FANCL: variants seen among roughly 807,000 people sequenced by gnomAD.
The protein encoded by FANCL is E3 ubiquitin-protein ligase FANCL.
A neutral mutation model predicts 59.4 loss-of-function variants in FANCL; 69 were observed. The ratio of observed to expected loss-of-function variants is 1.16; its 90% confidence interval spans 0.96 to 1.42. FANCL has a LOEUF of 1.42. Ranked by LOEUF, FANCL falls within the 40% of genes most tolerant of loss-of-function variation. FANCL has a pLI of 0.00. For synonymous variants in FANCL, 180 were observed against 147.1 expected, an observed-to-expected ratio of 1.22 and a Z score of -1.62; for missense variants, 519 against 447.2, an observed-to-expected ratio of 1.16 and a Z score of -1.45.
At chr2:58,162,679 C>T (rs1685382343) in intron 11 of FANCL, among the ~76,000 whole-genome samples, 187 bp downstream of exon 11, 1 of 151,910 alleles carries the variant, frequency 6.6e-6, no homozygotes, top group Admixed American at 6.6e-5. Flanking sequence ...ATCAATCCCC[C>T]TGTTCCAAGA....
intron 3 of FANCL, among the ~76,000 whole-genome samples, chr2:58,227,636 G>A (rs1006819953): frequency 4.6e-5 from 7 of 152,094 alleles, no homozygotes; most frequent in Non-Finnish European, 5.9e-5. Flanking sequence ...TTCCTCCACC[G>A]ATATATTTCT....
At chr2:58,172,030 G>A (rs1210042282) in intron 7 of FANCL, among the ~76,000 whole-genome samples, 3 of 152,234 alleles carry the variant, frequency 2.0e-5, no homozygotes, top group Non-Finnish European at 4.4e-5. Context: ...ACTGCAAGGT[G>A]GCAGCGAGGC....
intron 7 of FANCL, among the ~76,000 whole-genome samples, chr2:58,196,386 G>T (rs1689427090): frequency 6.6e-6 from 1 of 151,870 alleles, no homozygotes; most frequent in Non-Finnish European, 1.5e-5. Flanking sequence ...TGTGATAAAA[G>T]GCTGTTTTAA....
chr2:58,230,015 C>A (rs1693416199), intron 2 of FANCL, 141 bp from the exon 3 acceptor site: 1 of 662,320 alleles, frequency 1.5e-6, no homozygotes, highest in South Asian at 1.8e-5. Flanking sequence ...ACCACTGATA[C>A]TGTTCAAAGT....
In FANCL at chr2:58,159,769, T is replaced by G. The variant is rs545084971; in HGVS notation, c.1124A>C (p.His375Pro). 46 of 1,613,176 alleles carry G rather than the reference T, an allele frequency of 2.9e-5. 1 individual carries two copies. In the South Asian group the frequency reaches 4.2e-4, roughly 15 times the overall value. The change falls in exon 14 of 14, where the codon CAC becomes CCC. Residue 375 changes from histidine (H) to proline (P), a missense_variant. His to Pro is a moderately conservative substitution (Grantham distance 77). Coordinates refer to ENST00000233741, the MANE Select transcript of FANCL (RefSeq NM_018062.4). ...PITLKMSGRK[H>P] ...CCGAAATGTTGTATTCTTATTTCAG[T>G]GTTTCCTTCCAGACATTTTTAAGGT... is the stretch of plus-strand genomic sequence containing the variant.
chr2:58,182,521 A>C (rs11900900), intron 7 of FANCL, among the ~76,000 whole-genome samples: 8,548 of 151,778 alleles, frequency 0.056, 817 homozygotes, highest in African/African-American at 0.2. Flanking sequence ...TCCTGCGATA[A>C]ATTTTGGAAT....
chr2:58,207,529 T>G (rs1016400784), intron 5 of FANCL, among the ~76,000 whole-genome samples: 8 of 152,238 alleles, frequency 5.3e-5, no homozygotes, highest in African/African-American at 1.9e-4. Context: ...CTTGACCATC[T>G]GCCTACCTCT....
intron 1 of FANCL, among the ~76,000 whole-genome samples, chr2:58,239,466 C>T (rs1694315877): frequency 6.6e-6 from 1 of 152,190 alleles, no homozygotes; most frequent in African/African-American, 2.4e-5. Context: ...TTATAAAAAA[C>T]ACAAACAGAC....
At chr2:58,214,423 C>T (rs1691499275) in intron 5 of FANCL, among the ~76,000 whole-genome samples, 1 of 152,074 alleles carries the variant, frequency 6.6e-6, no homozygotes, top group Non-Finnish European at 1.5e-5. Context: ...ATACTCTACC[C>T]TTCTTATCGT....
intron 7 of FANCL, among the ~76,000 whole-genome samples, chr2:58,169,148 A>G (rs1686267902): frequency 6.6e-6 from 1 of 152,150 alleles, no homozygotes; most frequent in Non-Finnish European, 1.5e-5. Flanking sequence ...CAACTCATAC[A>G]GGAGAGCTCC....
At chr2:58,179,127 G>C (rs943689056) in intron 7 of FANCL, among the ~76,000 whole-genome samples, 2 of 152,160 alleles carry the variant, frequency 1.3e-5, no homozygotes, top group African/African-American at 4.8e-5. Context: ...TGGATAGGAA[G>C]AATCAATATC....
chr2:58,176,177 T>C (rs570303840), intron 7 of FANCL, among the ~76,000 whole-genome samples: 1 of 152,074 alleles, frequency 6.6e-6, no homozygotes, highest in Admixed American at 6.5e-5. Flanking sequence ...GTAGGAAGAA[T>C]CAATATCATG....
rs771016640 is a variant in FANCL, at chr2:58,159,443, C to A, written c.*322G>T. On this transcript the variant is annotated 3_prime_UTR_variant, in exon 14 of 14. Transcript: ENST00000233741. ...CAAAAAATCAGCTATACACAATTCC[C>A]AAACTCATTTTATGAGCCTCATCAA... The A allele has an allele frequency of 6.2e-7, 1 of 1,613,530 alleles. No individual in the cohort carries two copies. The highest frequency in any genetic ancestry group is 1.1e-5 in the South Asian group (1 of 91,048).
At chr2:58,214,564 A>G (rs1477620006) in intron 5 of FANCL, among the ~76,000 whole-genome samples, 1 of 152,164 alleles carries the variant, frequency 6.6e-6, no homozygotes, top group Non-Finnish European at 1.5e-5. Context: ...ACTGAAGTGC[A>G]GTGGTGTGAT....
intron 1 of FANCL, among the ~76,000 whole-genome samples, chr2:58,239,417 T>C (rs1239692890): frequency 6.6e-6 from 1 of 152,200 alleles, no homozygotes. Context: ...AGATACATTC[T>C]ACCTAACAGC....
chr2:58,236,270 GAAAC>G (rs1456460259), intron 1 of FANCL, among the ~76,000 whole-genome samples: 1 of 151,670 alleles, frequency 6.6e-6, no homozygotes, highest in African/African-American at 2.4e-5. Flanking sequence ...TATTTACAGA[GAAAC>G]AAAGAAAAGA....
chr2:58,168,232 C>T (rs183241222), intron 7 of FANCL, among the ~76,000 whole-genome samples: 146 of 152,258 alleles, frequency 9.6e-4, no homozygotes, highest in Non-Finnish European at 1.3e-3. Context: ...GTGATTTCTG[C>T]ATTTCCAACC....
chr2:58,177,525 G>A (rs996974607), intron 7 of FANCL, among the ~76,000 whole-genome samples: 21 of 149,814 alleles, frequency 1.4e-4, no homozygotes, highest in South Asian at 4.2e-4. Context: ...GTAAACTATC[G>A]CAAGAACAAA....
chr2:58,167,471 T>C (rs1291426011), intron 7 of FANCL, among the ~76,000 whole-genome samples: 1 of 152,198 alleles, frequency 6.6e-6, no homozygotes, highest in Non-Finnish European at 1.5e-5. Flanking sequence ...TTCCTTTGTA[T>C]ACCCAAGATA....
Sources: allele counts gnomAD v4.1 joint callset (sites outside exome capture counted in the v4.1 genomes callset), GRCh38; gene constraint gnomAD v4.1.1; transcripts MANE v1.5; gene names NCBI Gene and HGNC (gene_info 2026-07-23, HGNC 2026-07-21).